The following LRP1B variants were observed in gnomAD, a reference collection of about 807,000 sequenced individuals.
LRP1B encodes low-density lipoprotein receptor-related protein 1B.
In LRP1B, 217 loss-of-function variants were observed where a neutral mutation model predicts 556.6. The observed-to-expected ratio is 0.39, with a 90% CI of 0.35 to 0.44. The LOEUF is 0.44. LRP1B is among the 20% of genes least tolerant of loss of function. The pLI is 1.00. For synonymous variants in LRP1B, 2,047 were observed against 1,865.8 expected, an observed-to-expected ratio of 1.10 and a Z score of -2.50; for missense variants, 5,053 against 5,620.8, an observed-to-expected ratio of 0.90 and a Z score of 3.23.
At chr2:140,278,867 G>C (rs1682799014) in intron 84 of LRP1B, among the ~76,000 whole-genome samples, 1 of 151,892 alleles carries the variant, frequency 6.6e-6, no homozygotes, top group Non-Finnish European at 1.5e-5. Flanking sequence ...CAGGGGCAAA[G>C]AGTTGCTCAC....
At chr2:140,622,977 A>C (rs1683507996) in intron 41 of LRP1B, among the ~76,000 whole-genome samples, 1 of 152,204 alleles carries the variant, frequency 6.6e-6, no homozygotes, top group Non-Finnish European at 1.5e-5. Flanking sequence ...CAAATCCTGC[A>C]AGTCAGAAAT....
chr2:140,554,832 C>T (rs1396927632), intron 43 of LRP1B, among the ~76,000 whole-genome samples: 1 of 148,032 alleles, frequency 6.8e-6, no homozygotes, highest in Non-Finnish European at 1.5e-5. Context: ...TCTGCTGCTG[C>T]TGCTTCTTTT....
intron 31 of LRP1B, among the ~76,000 whole-genome samples, chr2:140,820,208 G>C (rs1398180092): frequency 1.3e-5 from 2 of 152,064 alleles, no homozygotes; most frequent in Admixed American, 6.6e-5. Context: ...TTGAACTCCT[G>C]GCCTAAAGTG....
intron 3 of LRP1B, among the ~76,000 whole-genome samples, chr2:141,264,937 G>C (rs530661733): frequency 2.0e-4 from 31 of 152,296 alleles, no homozygotes; most frequent in African/African-American, 7.5e-4. Flanking sequence ...TTGGAGGCAG[G>C]CAGGGCCGGA....
intron 66 of LRP1B, among the ~76,000 whole-genome samples, chr2:140,423,531 T>C (rs138432763): frequency 0.012 from 1,794 of 147,284 alleles, 13 homozygotes; most frequent in Non-Finnish European, 0.018. Context: ...TTAATAATTA[T>C]TTATTCATCC....
intron 66 of LRP1B, among the ~76,000 whole-genome samples, chr2:140,413,717 G>T (rs768687381): frequency 6.6e-6 from 1 of 152,000 alleles, no homozygotes; most frequent in Non-Finnish European, 1.5e-5. Context: ...TTTATTCCAC[G>T]ATAAGCAAAA....
intron 1 of LRP1B, among the ~76,000 whole-genome samples, chr2:142,095,666 C>T (rs1706334134): frequency 1.3e-5 from 2 of 151,608 alleles, no homozygotes; most frequent in African/African-American, 4.8e-5. Context: ...CCCAAATTTT[C>T]CCTTTTTGAA....
intron 7 of LRP1B, among the ~76,000 whole-genome samples, chr2:141,094,204 T>G (rs1304167754): frequency 6.6e-6 from 1 of 152,164 alleles, no homozygotes; most frequent in Non-Finnish European, 1.5e-5. Flanking sequence ...TCAGGAGACT[T>G]CTAAGTACTA....
intron 34 of LRP1B, among the ~76,000 whole-genome samples, chr2:140,770,335 T>C (rs1382469293): frequency 6.6e-6 from 1 of 151,940 alleles, no homozygotes; most frequent in African/African-American, 2.4e-5. Context: ...ACGATAAAAA[T>C]TAACCTATGA....
chr2:141,244,353 C>T (rs1683992584), intron 5 of LRP1B, among the ~76,000 whole-genome samples: 1 of 152,152 alleles, frequency 6.6e-6, no homozygotes, highest in Admixed American at 6.6e-5. Flanking sequence ...GCCATTCGGG[C>T]CTTCCCTTGT....
chr2:141,377,849 T>C (rs986065201), intron 3 of LRP1B, among the ~76,000 whole-genome samples: 2 of 152,200 alleles, frequency 1.3e-5, no homozygotes, highest in Non-Finnish European at 1.5e-5. Flanking sequence ...AATGTCTTCA[T>C]AGGAGTTTTG....
intron 7 of LRP1B, among the ~76,000 whole-genome samples, chr2:141,129,017 T>C (rs1701285679): frequency 6.6e-6 from 1 of 152,182 alleles, no homozygotes; most frequent in South Asian, 2.1e-4. Context: ...TTTGGTAAGG[T>C]GTCCAAGAAT....
chr2:141,910,040 A>T (rs911824939), intron 1 of LRP1B, among the ~76,000 whole-genome samples: 1 of 150,730 alleles, frequency 6.6e-6, no homozygotes, highest in Non-Finnish European at 1.5e-5. Context: ...TCATAAGAAT[A>T]ATTTTCTTTG....
intron 7 of LRP1B, among the ~76,000 whole-genome samples, chr2:141,084,957 TTAAA>T (rs1167852599): frequency 2.0e-5 from 3 of 152,186 alleles, no homozygotes; most frequent in African/African-American, 7.2e-5. Context: ...CCTCTCTTTC[TTAAA>T]TAAAAGCTTG....
intron 55 of LRP1B, among the ~76,000 whole-genome samples, chr2:140,498,757 CAT>C (rs1047268162): frequency 2.6e-5 from 4 of 151,780 alleles, no homozygotes; most frequent in African/African-American, 9.7e-5. Flanking sequence ...AACAAATTGT[CAT>C]ATATATGACA....
chr2:141,463,580 A>AATATAT (rs1682015869), intron 3 of LRP1B, among the ~76,000 whole-genome samples: 2 of 56,442 alleles, frequency 3.5e-5, no homozygotes, highest in South Asian at 1.0e-3. Flanking sequence ...TATTATATAT[A>AATATAT]ATTATATATA....
intron 2 of LRP1B, among the ~76,000 whole-genome samples, chr2:141,710,932 A>G (rs1037006968): frequency 6.6e-6 from 1 of 152,194 alleles, no homozygotes; most frequent in East Asian, 1.9e-4. Flanking sequence ...TTCCTACATT[A>G]GATTGATTTT....
intron 32 of LRP1B, among the ~76,000 whole-genome samples, chr2:140,798,479 T>C (rs546849966): frequency 6.6e-6 from 1 of 152,110 alleles, no homozygotes; most frequent in African/African-American, 2.4e-5. Context: ...TTTTTAAGGG[T>C]TTTTTTGTTA....
chr2:140,651,269 G>T lies in LRP1B; in HGVS notation c.6799+48981C>A, dbSNP rs1353392670. 2.1e-5 allele frequency among the ~76,000 whole-genome samples: 3 copies of T among 142,294 alleles called. No homozygotes were observed. The East Asian group carries it at 6.3e-4, about 30-fold the overall frequency. 93.4% of individuals were successfully genotyped at this position (142,294 alleles called of 152,430 possible). A position where few individuals can be genotyped will look rare whatever the true frequency, so the allele number is the denominator to read the frequency against. ...TCGCAAGAACAAAAAACCAAACACC[G>T]CATATTCTCACTCATAGGTGGGAAT... is the stretch of plus-strand genomic sequence containing the variant. On this transcript the variant is annotated intron_variant, in intron 41 of 90. Coordinates refer to ENST00000389484, the MANE Select transcript of LRP1B (RefSeq NM_018557.3).
Sources: gnomAD v4.1 joint callset for allele counts (sites outside exome capture counted in the v4.1 genomes callset) on GRCh38, gnomAD v4.1.1 for gene constraint, MANE v1.5 for transcripts, NCBI Gene and HGNC (gene_info 2026-07-23, HGNC 2026-07-21) for gene names.